Variants in BTNL8 observed in about 807,000 individuals in gnomAD.
BTNL8 encodes butyrophilin like 8, also known as butyrophilin-like protein 8.
A neutral mutation model predicts 36.1 loss-of-function variants in BTNL8; 22 were observed. The ratio of observed to expected loss-of-function variants is 0.61; its 90% CI spans 0.44 to 0.87. BTNL8 has a LOEUF of 0.87. Ranked by LOEUF, BTNL8 falls within the 40% of genes least tolerant of loss-of-function variation. The pLI, the probability that BTNL8 is intolerant of heterozygous loss-of-function variation, is 0.00. For synonymous variants in BTNL8, 203 were observed against 235.6 expected, an observed-to-expected ratio of 0.86 and a Z score of 1.27; for missense variants, 526 against 616.9, an observed-to-expected ratio of 0.85 and a Z score of 1.56.
chr5:180,915,275 C>A (rs771487508), intron 3 of BTNL8, among the ~76,000 whole-genome samples: 1 of 152,220 alleles, frequency 6.6e-6, no homozygotes, highest in Non-Finnish European at 1.5e-5. Context: ...CACAGTGGGG[C>A]ACGTGCTTCC....
rs374848638 is a variant in BTNL8 at position 180,950,104 on chromosome 5, G to A, written c.1063G>A (p.Val355Met). ...VDGGHNKRWR[V>M]GVCRDDVDRR... is the part of the protein sequence containing the mutation. Reference sequence around the variant, plus strand: ...CGGAGGACACAATAAAAGGTGGCGCGTGGGAGTGTGCCGGGATGATGTGGA... The same window carrying A: ...CGGAGGACACAATAAAAGGTGGCGCATGGGAGTGTGCCGGGATGATGTGGA... Residue 355 changes from valine to methionine, a missense_variant, in exon 8 of 8, where the codon GTG becomes ATG. Transcript: ENST00000340184. The A allele has an allele frequency of 1.5e-4, 226 of 1,462,888 alleles. 59 individuals are homozygous for A. The highest frequency in any genetic ancestry group is 3.0e-4 in the African/African-American group (22 of 72,344). 90.6% of individuals were successfully genotyped at this position (1,462,888 alleles called of 1,614,324 possible). A position where few individuals can be genotyped will look rare whatever the true frequency, so the allele number is the denominator to read the frequency against.
chr5:180,942,882 A>AT (rs575733976), intron 3 of BTNL8, among the ~76,000 whole-genome samples: 3 of 151,718 alleles, frequency 2.0e-5, no homozygotes, highest in African/African-American at 2.4e-5. Flanking sequence ...CTGGGCAATA[A>AT]TTTTTTTTTA....
chr5:180,924,055 C>T (rs1406836146), intron 3 of BTNL8, among the ~76,000 whole-genome samples: 2 of 152,226 alleles, frequency 1.3e-5, no homozygotes, highest in Non-Finnish European at 2.9e-5. Context: ...AAGCCTTACT[C>T]AGCGTGGGAG....
intron 1 of BTNL8, among the ~76,000 whole-genome samples, chr5:180,903,261 T>G (rs1756910137): frequency 8.4e-6 from 1 of 119,616 alleles, no homozygotes. Flanking sequence ...GATTTGCATT[T>G]CTCTGATGGC....
chr5:180,899,375 G>C lies in BTNL8; in HGVS notation c.49+16G>C, dbSNP rs774815806. The C allele has an allele frequency of 1.2e-6, 2 of 1,608,794 alleles. No individual in the cohort carries two copies. Among genetic ancestry groups the C allele is most frequent in the African/African-American group, 2.7e-5 (2 of 74,756 alleles). On this transcript the variant is annotated intron_variant, in intron 1 of 7. Transcript: ENST00000340184. ...CTGGGATCAGGTAAGACTCATCTTT[G>C]TTTCCTCCTTACTAACTAACAGTTT...
At chr5:180,900,031 T>G (rs1246304902) in intron 1 of BTNL8, among the ~76,000 whole-genome samples, 1 of 152,244 alleles carries the variant, frequency 6.6e-6, no homozygotes, top group Non-Finnish European at 1.5e-5. Context: ...AGGTTCATCC[T>G]GCCACCTGTC....
intron 3 of BTNL8, among the ~76,000 whole-genome samples, chr5:180,932,258 T>C (rs112506567): frequency 0.11 from 16,738 of 152,202 alleles, 1,136 homozygotes; most frequent in Admixed American, 0.16. Flanking sequence ...GTAATGTAGA[T>C]GATGAGTTGA....
chr5:180,923,051 C>T (rs1757940908), intron 3 of BTNL8, among the ~76,000 whole-genome samples: 1 of 152,178 alleles, frequency 6.6e-6, no homozygotes, highest in Non-Finnish European at 1.5e-5. Context: ...GATTTTCCTA[C>T]ATCCCTTTAT....
intron 3 of BTNL8, among the ~76,000 whole-genome samples, chr5:180,938,382 A>G (rs796407383): frequency 2.6e-5 from 4 of 152,304 alleles, no homozygotes; most frequent in African/African-American, 9.6e-5. Flanking sequence ...ATTCAACACA[A>G]AAAGGTCCTC....
chr5:180,908,007 C>G (rs1757178490), intron 1 of BTNL8, among the ~76,000 whole-genome samples: 1 of 152,234 alleles, frequency 6.6e-6, no homozygotes, highest in African/African-American at 2.4e-5. Flanking sequence ...GTGGAGCCTA[C>G]AGAGGCAGGC....
At chr5:180,909,536 C>A in intron 2 of BTNL8, 1 of 986,102 alleles carries the variant, frequency 1.0e-6, no homozygotes, top group Non-Finnish European at 1.2e-6. Context: ...TTGCTCAATG[C>A]TCTGTGTTAA....
At chr5:180,937,522 A>G (rs1758717229) in intron 3 of BTNL8, among the ~76,000 whole-genome samples, 1 of 152,210 alleles carries the variant, frequency 6.6e-6, no homozygotes, top group African/African-American at 2.4e-5. Flanking sequence ...ACCTCAGGGA[A>G]CTAGAAAAAT....
At chr5:180,931,131 A>G (rs1192636794) in intron 3 of BTNL8, among the ~76,000 whole-genome samples, 2 of 152,246 alleles carry the variant, frequency 1.3e-5, no homozygotes, top group Non-Finnish European at 2.9e-5. Context: ...GCAATGGAAC[A>G]GAACAGAGGC....
chr5:180,921,464 G>A (rs916854629), intron 3 of BTNL8, among the ~76,000 whole-genome samples: 3 of 151,940 alleles, frequency 2.0e-5, no homozygotes, highest in African/African-American at 7.2e-5. Flanking sequence ...TAGAATCATA[G>A]AGCATAACTG....
At chr5:180,941,129 G>GAAGGAAGAAA (rs1320942796) in intron 3 of BTNL8, among the ~76,000 whole-genome samples, 2 of 150,942 alleles carry the variant, frequency 1.3e-5, no homozygotes, top group Non-Finnish European at 3.0e-5. Context: ...AGGAAGGAAG[G>GAAGGAAGAAA]AAGGAAGGAA....
In BTNL8 at chr5:180,908,711, C is replaced by G; in HGVS notation, c.175C>G (p.Gln59Glu). 1 of 1,614,208 alleles carries G rather than the reference C, an allele frequency of 6.2e-7. No individual in the cohort carries two copies. Among genetic ancestry groups the G allele is most frequent in the Non-Finnish European group, 8.5e-7 (1 of 1,180,044 alleles). The change falls in exon 2 of 8, where the codon CAG (glutamine) becomes GAG (glutamate). Residue 59 changes from glutamine to glutamate, a missense_variant. By Grantham distance (29) the Gln-to-Glu change is conservative. Transcript: ENST00000340184. ...EAMEVRFFRG[Q>E]FSSVVHLYRD... ...CATGGAAGTGCGGTTCTTCAGGGGCCAGTTCTCTAGCGTGGTCCACCTCTA... is the reference window on the plus strand; with the variant it reads ...CATGGAAGTGCGGTTCTTCAGGGGCGAGTTCTCTAGCGTGGTCCACCTCTA...
chr5:180,933,494 G>A (rs1454970451), intron 3 of BTNL8, among the ~76,000 whole-genome samples: 1 of 151,998 alleles, frequency 6.6e-6, no homozygotes, highest in Non-Finnish European at 1.5e-5. Flanking sequence ...TAGAAATCTT[G>A]GAAAACAGGC....
rs141459374 is a variant in BTNL8 at position 180,940,948 on chromosome 5, C to G, written c.674-6564C>G. Among the ~76,000 whole-genome samples the G allele has an allele frequency of 3.5e-3, 533 of 152,116 alleles. 3 individuals carry two copies. The highest frequency in any genetic ancestry group is 4.8e-3 in the Non-Finnish European group (324 of 67,978). Reference sequence around the variant, plus strand: ...AACAAAAAAAACCCATAAAAATTAGCTGGGCTTGGTGGCATGCACCTGTAG... The same window carrying G: ...AACAAAAAAAACCCATAAAAATTAGGTGGGCTTGGTGGCATGCACCTGTAG... On this transcript the variant is annotated intron_variant, in intron 3 of 7. Transcript: ENST00000340184.
At chr5:180,934,393 G>C (rs1758545856) in intron 3 of BTNL8, among the ~76,000 whole-genome samples, 1 of 152,198 alleles carries the variant, frequency 6.6e-6, no homozygotes, top group South Asian at 2.1e-4. Context: ...GTTTTTCTTA[G>C]GCCCATTGGG....
Sources: gnomAD v4.1 joint callset for allele counts (sites outside exome capture counted in the v4.1 genomes callset) on GRCh38, gnomAD v4.1.1 for gene constraint, MANE v1.5 for transcripts, NCBI Gene and HGNC (gene_info 2026-07-23, HGNC 2026-07-21) for gene names.